The following KCTD16 variants were observed in gnomAD, a reference collection of about 807,000 sequenced individuals.
KCTD16 encodes potassium channel tetramerization domain containing 16.
KCTD16 carries 13 observed loss-of-function variants against 33.2 expected under a neutral mutation model. That is an observed-to-expected ratio of 0.39 (90% CI 0.25 to 0.62). The LOEUF (loss-of-function observed/expected upper bound fraction) is 0.62. KCTD16 is among the 20% of genes least tolerant of loss of function. The probability of loss-of-function intolerance (pLI) is 0.50; values close to 1 mark genes in which losing one functional copy is unlikely to be tolerated. For synonymous variants in KCTD16, 197 were observed against 195.3 expected (o/e 1.01, Z -0.07); for missense variants, 441 against 525.1 (o/e 0.84, Z 1.57).
intron 3 of KCTD16, among the ~76,000 whole-genome samples, chr5:144,368,185 T>C (rs1014008473): frequency 6.6e-6 from 1 of 152,126 alleles, no homozygotes; most frequent in African/African-American, 2.4e-5. Flanking sequence ...CCTTTGTACC[T>C]GGTGTTACAC....
At chr5:144,281,793 C>T (rs1755616030) in intron 3 of KCTD16, among the ~76,000 whole-genome samples, 1 of 152,062 alleles carries the variant, frequency 6.6e-6, no homozygotes, top group South Asian at 2.1e-4. Context: ...TTAAAGTTTC[C>T]ACCCGTAATT....
intron 3 of KCTD16, among the ~76,000 whole-genome samples, chr5:144,218,962 A>G (rs536402619): frequency 3.9e-5 from 6 of 152,336 alleles, no homozygotes; most frequent in African/African-American, 1.4e-4. Flanking sequence ...GTGACAGTAA[A>G]ATATGGTTGA....
At chr5:144,290,145 A>T (rs1170766622) in intron 3 of KCTD16, among the ~76,000 whole-genome samples, 3 of 152,002 alleles carry the variant, frequency 2.0e-5, no homozygotes, top group African/African-American at 7.3e-5. Context: ...AAATACAAAA[A>T]TTATCCAGGC....
At chr5:144,341,093 C>T (rs2126898820) in intron 3 of KCTD16, among the ~76,000 whole-genome samples, 1 of 152,192 alleles carries the variant, frequency 6.6e-6, no homozygotes, top group Admixed American at 6.5e-5. Context: ...AATCTGATGG[C>T]ACTTTGGCTC....
At chr5:144,294,155 T>TCAAA (rs34249885) in intron 3 of KCTD16, among the ~76,000 whole-genome samples, 32,871 of 151,792 alleles carry the variant, frequency 0.22, 3,920 homozygotes, top group Non-Finnish European at 0.27. Flanking sequence ...TGAGACTCTG[T>TCAAA]CAAACAAACA....
chr5:144,317,278 A>G (rs1201526177), intron 3 of KCTD16, among the ~76,000 whole-genome samples: 1 of 151,922 alleles, frequency 6.6e-6, no homozygotes, highest in East Asian at 1.9e-4. Flanking sequence ...GGCCGGCACT[A>G]AAAAAAAGAA....
chr5:144,224,045 G>A (rs1158747672), intron 3 of KCTD16, among the ~76,000 whole-genome samples: 12 of 152,026 alleles, frequency 7.9e-5, no homozygotes, highest in Admixed American at 7.9e-4. Flanking sequence ...GTTCGTAGTA[G>A]TGTGTTCATT....
At chr5:144,433,681 T>C (rs971829498) in intron 3 of KCTD16, among the ~76,000 whole-genome samples, 5 of 152,184 alleles carry the variant, frequency 3.3e-5, no homozygotes, top group African/African-American at 1.2e-4. Context: ...CCAAGTAGAC[T>C]GTGATAAGGT....
At chr5:144,193,508 C>T (rs1752883754) in intron 2 of KCTD16, among the ~76,000 whole-genome samples, 1 of 151,994 alleles carries the variant, frequency 6.6e-6, no homozygotes, top group South Asian at 2.1e-4. Flanking sequence ...TCCTCTTCTC[C>T]TTGCCCCAAA....
chr5:144,441,068 A>G (rs946305789), intron 3 of KCTD16, among the ~76,000 whole-genome samples: 2 of 152,014 alleles, frequency 1.3e-5, no homozygotes, highest in African/African-American at 4.8e-5. Flanking sequence ...CTATCTGTAG[A>G]TCTTTGGATC....
rs74672512 is a variant in KCTD16 at position 144,455,519 on chromosome 5, G to A, written c.833-18141G>A. Reference sequence around the variant, plus strand: ...GTTCAATGAAGACTTGAGTGACAGAGTTCCATGTGGGGCAAGACACAACTA... The same window carrying A: ...GTTCAATGAAGACTTGAGTGACAGAATTCCATGTGGGGCAAGACACAACTA... On this transcript the variant is annotated intron_variant, in intron 3 of 3. Coordinates refer to ENST00000512467, the MANE Select transcript of KCTD16 (RefSeq NM_020768.4). Among the ~76,000 whole-genome samples, 533 of 152,308 alleles carry A rather than the reference G, an allele frequency of 3.5e-3. 2 individuals are homozygous for A. The highest frequency in any genetic ancestry group is 0.012 in the African/African-American group (514 of 41,582).
intron 3 of KCTD16, among the ~76,000 whole-genome samples, chr5:144,450,174 A>C (rs1753908801): frequency 6.6e-6 from 1 of 152,034 alleles, no homozygotes; most frequent in Admixed American, 6.6e-5. Context: ...TGACCATACA[A>C]ATGGCCACCG....
Position 144,475,529 on chromosome 5 carries a change from C to T in KCTD16, c.*1415C>T, listed in dbSNP as rs1352785273. The T allele has an allele frequency of 6.6e-6, 1 of 152,660 alleles. No homozygotes were observed. The highest frequency in any genetic ancestry group is 1.5e-5 in the Non-Finnish European group (1 of 68,032). 9.5% of individuals were successfully genotyped at this position (152,660 alleles called of 1,614,324 possible). The stretch of plus-strand genomic sequence containing the variant: ...CTGTATTTTACTAAGGTACCAATAG[C>T]TCTTTCATAGACTTGTGCTACAAGA... On this transcript the variant is annotated 3_prime_UTR_variant, in exon 4 of 4. Coordinates refer to ENST00000512467, the MANE Select transcript of KCTD16 (RefSeq NM_020768.4).
intron 3 of KCTD16, among the ~76,000 whole-genome samples, chr5:144,297,922 G>A (rs144991689): frequency 2.0e-5 from 3 of 152,046 alleles, no homozygotes; most frequent in Admixed American, 1.3e-4. Flanking sequence ...GGTCCAACTC[G>A]GCTAGAGCTG....
intron 3 of KCTD16, among the ~76,000 whole-genome samples, chr5:144,270,285 G>A (rs1186669445): frequency 6.6e-6 from 1 of 151,880 alleles, no homozygotes; most frequent in Non-Finnish European, 1.5e-5. Flanking sequence ...TTGACCATAT[G>A]TTAGGACACA....
At chr5:144,371,508 T>TG (rs577590652) in intron 3 of KCTD16, among the ~76,000 whole-genome samples, 131 of 152,302 alleles carry the variant, frequency 8.6e-4, no homozygotes, top group East Asian at 4.4e-3. Flanking sequence ...ATGTGTTATC[T>TG]GTTTCTCACA....
chr5:144,357,463 AT>A (rs913591095), intron 3 of KCTD16, among the ~76,000 whole-genome samples: 68 of 152,280 alleles, frequency 4.5e-4, no homozygotes, highest in African/African-American at 1.6e-3. Flanking sequence ...TCTGGGATGA[AT>A]TGTAACAGGG....
chr5:144,444,245 T>C (rs1753773073), intron 3 of KCTD16, among the ~76,000 whole-genome samples: 1 of 134,420 alleles, frequency 7.4e-6, no homozygotes, highest in Admixed American at 7.5e-5. Flanking sequence ...CACCAGTTCA[T>C]AGCGATATTT....
At chr5:144,317,546 G>A (rs572854841) in intron 3 of KCTD16, among the ~76,000 whole-genome samples, 10 of 152,134 alleles carry the variant, frequency 6.6e-5, no homozygotes, top group African/African-American at 1.4e-4. Flanking sequence ...TGGTCTATAA[G>A]GTGCCATATA....
Sources: allele counts gnomAD v4.1 joint callset (sites outside exome capture counted in the v4.1 genomes callset), GRCh38; gene constraint gnomAD v4.1.1; transcripts MANE v1.5; gene names NCBI Gene and HGNC (gene_info 2026-07-23, HGNC 2026-07-21).